BMP6: variants seen among roughly 807,000 people sequenced by gnomAD.
BMP6 encodes VG-1-R.
BMP6 carries 17 observed loss-of-function variants against 54.1 expected under a neutral mutation model. The ratio of observed to expected loss-of-function variants is 0.31; its 90% CI spans 0.22 to 0.47. BMP6 has a LOEUF of 0.47. Among genes scored for constraint, BMP6 ranks in the 20% least tolerant of loss-of-function variants. The pLI is 1.00. For missense variants in BMP6, 720 were observed against 690.4 expected (o/e 1.04, Z -0.48); for synonymous variants, 328 against 291.2 (o/e 1.13, Z -1.28).
At chr6:7,748,464 G>C (rs988635095) in intron 1 of BMP6, among the ~76,000 whole-genome samples, 1 of 152,184 alleles carries the variant, frequency 6.6e-6, no homozygotes, top group African/African-American at 2.4e-5. Flanking sequence ...TTTAGGCAGT[G>C]CTTACTGGGT....
chr6:7,732,128 A>G (rs1056377747), intron 1 of BMP6, among the ~76,000 whole-genome samples: 4 of 152,218 alleles, frequency 2.6e-5, no homozygotes, highest in African/African-American at 9.6e-5. Flanking sequence ...TCCTAAACAT[A>G]GCATCAGTAG....
At chr6:7,864,100 T>G (rs1006263245) in intron 4 of BMP6, among the ~76,000 whole-genome samples, 3 of 151,676 alleles carry the variant, frequency 2.0e-5, no homozygotes, top group Non-Finnish European at 4.4e-5. Flanking sequence ...GGAGAGTGGA[T>G]GTTCCCTCCC....
At chr6:7,759,650 AT>A (rs1028220183) in intron 1 of BMP6, among the ~76,000 whole-genome samples, 8 of 151,158 alleles carry the variant, frequency 5.3e-5, no homozygotes, top group East Asian at 1.9e-4. Context: ...AAATAAAAGA[AT>A]TTAAAAAAAA....
chr6:7,746,991 A>G (rs1021169678), intron 1 of BMP6, among the ~76,000 whole-genome samples: 1 of 152,230 alleles, frequency 6.6e-6, no homozygotes, highest in Non-Finnish European at 1.5e-5. Flanking sequence ...GGGATTGGTC[A>G]GTGCCAGTTC....
At chr6:7,804,640 T>G (rs1004455582) in intron 1 of BMP6, among the ~76,000 whole-genome samples, 13 of 152,212 alleles carry the variant, frequency 8.5e-5, no homozygotes, top group African/African-American at 2.7e-4. Flanking sequence ...ATTCATTCAT[T>G]TAGCAAACAT....
chr6:7,766,191 T>G (rs1757685201), intron 1 of BMP6, among the ~76,000 whole-genome samples: 1 of 152,214 alleles, frequency 6.6e-6, no homozygotes, highest in Non-Finnish European at 1.5e-5. Context: ...TCCAGTTTTT[T>G]TTTGTTTGTT....
At chr6:7,752,164 G>A (rs998932209) in intron 1 of BMP6, among the ~76,000 whole-genome samples, 1 of 152,226 alleles carries the variant, frequency 6.6e-6, no homozygotes, top group Non-Finnish European at 1.5e-5. Context: ...TTTCAGCTTT[G>A]CAGGTGTGAT....
At chr6:7,762,003 C>T (rs270379) in intron 1 of BMP6, among the ~76,000 whole-genome samples, 72,543 of 151,994 alleles carry the variant, frequency 0.48, 18,160 homozygotes, top group Non-Finnish European at 0.56. Context: ...CTCACTGCAA[C>T]CTCCACTTTC....
chr6:7,844,728 G>T (rs1035373956), intron 1 of BMP6, among the ~76,000 whole-genome samples: 7 of 152,194 alleles, frequency 4.6e-5, no homozygotes, highest in Non-Finnish European at 1.0e-4. Flanking sequence ...GAGGAGAGGG[G>T]GCCAGGAGGA....
intron 1 of BMP6, among the ~76,000 whole-genome samples, chr6:7,751,793 A>G (rs1368851503): frequency 6.6e-6 from 1 of 152,178 alleles, no homozygotes; most frequent in African/African-American, 2.4e-5. Flanking sequence ...AGAATGTAAG[A>G]TGTTTTCTTT....
intron 1 of BMP6, among the ~76,000 whole-genome samples, chr6:7,768,112 G>A (rs540742041): frequency 6.6e-6 from 1 of 152,256 alleles, no homozygotes; most frequent in African/African-American, 2.4e-5. Context: ...CTTCCTCCAG[G>A]TGGTTTTGGC....
intron 4 of BMP6, among the ~76,000 whole-genome samples, chr6:7,877,867 G>A (rs559234551): frequency 1.7e-3 from 261 of 152,184 alleles, no homozygotes; most frequent in African/African-American, 5.9e-3. Flanking sequence ...TCTCTCCGTC[G>A]TTTCTCGAAC....
intron 1 of BMP6, among the ~76,000 whole-genome samples, chr6:7,822,216 C>T (rs1232922666): frequency 6.6e-6 from 1 of 152,152 alleles, no homozygotes; most frequent in African/African-American, 2.4e-5. Flanking sequence ...GATGGAGTTT[C>T]ACCATGTCGG....
At chr6:7,748,235 G>A (rs1197602951) in intron 1 of BMP6, among the ~76,000 whole-genome samples, 2 of 152,104 alleles carry the variant, frequency 1.3e-5, no homozygotes, top group African/African-American at 4.8e-5. Flanking sequence ...TAAATGCATT[G>A]GGTTCTCAGG....
chr6:7,857,397 A>T (rs1010592700), intron 2 of BMP6, among the ~76,000 whole-genome samples: 1 of 152,244 alleles, frequency 6.6e-6, no homozygotes, highest in African/African-American at 2.4e-5. Flanking sequence ...AAGCGTATTC[A>T]TCATGCAAAT....
intron 2 of BMP6, among the ~76,000 whole-genome samples, chr6:7,860,938 C>G (rs1369367599): frequency 6.6e-6 from 1 of 152,084 alleles, no homozygotes; most frequent in Admixed American, 6.5e-5. Flanking sequence ...CTCGCTGTCT[C>G]CTACTTTCCC....
At chr6:7,782,970 G>A (rs529050116) in intron 1 of BMP6, among the ~76,000 whole-genome samples, 24 of 152,202 alleles carry the variant, frequency 1.6e-4, no homozygotes, top group South Asian at 4.1e-4. Context: ...GCAACATGGC[G>A]GTCACTGATC....
intron 4 of BMP6, among the ~76,000 whole-genome samples, chr6:7,864,645 A>G (rs1348502796): frequency 1.3e-5 from 2 of 152,106 alleles, no homozygotes; most frequent in Non-Finnish European, 2.9e-5. Flanking sequence ...ACTTAAATCA[A>G]CCATCTATTT....
At chr6:7,749,317 T>C (rs999904444) in intron 1 of BMP6, among the ~76,000 whole-genome samples, 5 of 152,258 alleles carry the variant, frequency 3.3e-5, no homozygotes, top group African/African-American at 1.2e-4. Context: ...TATTCTTTGG[T>C]CACTTCAAAA....
Sources: gnomAD v4.1 joint callset for allele counts (sites outside exome capture counted in the v4.1 genomes callset) on GRCh38, gnomAD v4.1.1 for gene constraint, MANE v1.5 for transcripts, NCBI Gene and HGNC (gene_info 2026-07-23, HGNC 2026-07-21) for gene names.